The following JAKMIP1 variants were observed in gnomAD, a reference collection of about 807,000 sequenced individuals.
JAKMIP1 encodes the protein janus kinase and microtubule interacting protein 1.
A neutral mutation model predicts 113.0 loss-of-function variants in JAKMIP1; 33 were observed. The ratio of observed to expected loss-of-function variants is 0.29; its 90% CI spans 0.22 to 0.39. The LOEUF (loss-of-function observed/expected upper bound fraction) is 0.39. JAKMIP1 is among the 10% of genes least tolerant of loss of function. The pLI is 1.00. For missense variants in JAKMIP1, 813 were observed against 1,080.5 expected, an observed-to-expected ratio of 0.75 and a Z score of 3.47; for synonymous variants, 480 against 459.9, an observed-to-expected ratio of 1.04 and a Z score of -0.56.
intron 3 of JAKMIP1, among the ~76,000 whole-genome samples, chr4:6,100,792 G>T (rs1293630182): frequency 6.6e-6 from 1 of 151,938 alleles, no homozygotes; most frequent in Admixed American, 6.5e-5. Context: ...ATATCTAGTT[G>T]TAATTTTACT....
chr4:6,036,492 T>A (rs923097257), intron 18 of JAKMIP1, among the ~76,000 whole-genome samples: 2 of 152,236 alleles, frequency 1.3e-5, no homozygotes, highest in African/African-American at 4.8e-5. Context: ...TCCCCTTTTC[T>A]AATGGGTGCC....
At chr4:6,113,154 T>C (rs1411306109) in intron 1 of JAKMIP1, among the ~76,000 whole-genome samples, 157 bp from the exon 2 acceptor site, 1 of 152,186 alleles carries the variant, frequency 6.6e-6, no homozygotes, top group Non-Finnish European at 1.5e-5. Flanking sequence ...TGCAGCAGAA[T>C]CGCTTGGAGG....
chr4:6,198,055 C>T (rs4234722), intron 1 of JAKMIP1, among the ~76,000 whole-genome samples: 20,587 of 152,214 alleles, frequency 0.14, 1,424 homozygotes, highest in Non-Finnish European at 0.15. Flanking sequence ...GAAAACAGAG[C>T]CCCCACCAAA....
intron 9 of JAKMIP1, among the ~76,000 whole-genome samples, chr4:6,063,963 T>A (rs1215748167): frequency 6.6e-6 from 1 of 152,220 alleles, no homozygotes; most frequent in African/African-American, 2.4e-5. Context: ...GCGATCCACC[T>A]GCCCCTGCCG....
At position 6,085,591 on chromosome 4, in the gene JAKMIP1, G is replaced by T; in HGVS notation, c.663C>A (p.Ala221=). Residue 221 remains alanine (A), a synonymous_variant, in exon 4 of 21, where the codon GCC becomes GCA. Transcript: ENST00000409021. ...CCTGCACGCCAAGTTCCTTCTCCAAGGCCAGAATCACACGGTCTTTCCCTT... is the reference window on the plus strand; with the variant it reads ...CCTGCACGCCAAGTTCCTTCTCCAATGCCAGAATCACACGGTCTTTCCCTT... The part of the protein sequence containing the change: ...EIKGKDRVIL[A]LEKELGVQAG... The T allele has an allele frequency of 1.9e-6, 3 of 1,614,204 alleles. No individual in the cohort carries two copies. The highest frequency in any genetic ancestry group is 2.2e-5 in the East Asian group (1 of 44,882).
In JAKMIP1 at chr4:6,197,300, C is replaced by T. The variant is rs549336757; in HGVS notation, c.-148+2953G>A. ...GCCCACCACAATGGTGGCCACTGCT[C>T]TGATCATTAGTTTCATCGTTAGCTA... On this transcript the variant is annotated intron_variant, in intron 1 of 20. Coordinates refer to ENST00000409021, the MANE Select transcript of JAKMIP1 (RefSeq NM_001099433.2). This position sits in a 1 kb window ranked among gnomAD's most constrained non-coding sequence, Gnocchi z 6.5. Among the ~76,000 whole-genome samples the T allele has an allele frequency of 2.6e-5, 4 of 152,188 alleles. No homozygotes were observed.
chr4:6,056,604 A>G, intron 12 of JAKMIP1, 93 bp downstream of exon 12: 5 of 930,588 alleles, frequency 5.4e-6, no homozygotes, highest in African/African-American at 3.2e-5. Flanking sequence ...GGAGTGCCCA[A>G]ATGGCGCTGG....
rs1218691611 is a variant in JAKMIP1, at chr4:6,031,721, C to G, written c.2380-1940G>C. On this transcript the variant is annotated intron_variant, in intron 19 of 20. Coordinates refer to ENST00000409021, the MANE Select transcript of JAKMIP1 (RefSeq NM_001099433.2). This position sits in a 1 kb window ranked among gnomAD's most constrained non-coding sequence, Gnocchi z 4.4. ...GATTTCAGGATGATCACGGGGCAGC[C>G]AAACAGAATGGATTCCACGAAGGAG... Among the ~76,000 whole-genome samples the G allele has an allele frequency of 6.6e-6, 1 of 152,028 alleles. No homozygotes were observed. Among genetic ancestry groups the G allele is most frequent in the Non-Finnish European group, 1.5e-5 (1 of 68,010 alleles).
intron 1 of JAKMIP1, among the ~76,000 whole-genome samples, chr4:6,170,939 AC>A (rs1724551894): frequency 1.4e-5 from 2 of 146,352 alleles, no homozygotes; most frequent in African/African-American, 5.1e-5. Flanking sequence ...CATCACCACC[AC>A]CACCAGCATC....
intron 1 of JAKMIP1, among the ~76,000 whole-genome samples, chr4:6,149,651 G>A (rs184889135): frequency 1.5e-3 from 223 of 148,784 alleles, no homozygotes; most frequent in African/African-American, 5.6e-3. Flanking sequence ...TATTTATATT[G>A]GCTCATAAAG....
chr4:6,146,467 T>C (rs1048872406), intron 1 of JAKMIP1, among the ~76,000 whole-genome samples: 2 of 152,128 alleles, frequency 1.3e-5, no homozygotes, highest in African/African-American at 2.4e-5. Flanking sequence ...GCTAATTTTT[T>C]ATTTTTTGTA....
intron 16 of JAKMIP1, 134 bp downstream of exon 16, chr4:6,048,723 T>C: frequency 1.4e-6 from 1 of 691,164 alleles, no homozygotes; most frequent in Non-Finnish European, 2.5e-6. Flanking sequence ...CGGAAAGGCA[T>C]GCATGTGCAC....
rs1727976945 is a variant in JAKMIP1 at position 6,197,494 on chromosome 4, C to T, written c.-148+2759G>A. 6.6e-6 allele frequency among the ~76,000 whole-genome samples: 1 copy of T among 152,208 alleles called. No individual in the cohort carries two copies. Among genetic ancestry groups the T allele is most frequent in the African/African-American group, 2.4e-5 (1 of 41,440 alleles). ...CCTAGCCAAAGAGATGCCACTGCCC[C>T]CTTTTATACAGGAAATGGAGGCTCA... On this transcript the variant is annotated intron_variant, in intron 1 of 20. Coordinates refer to ENST00000409021, the MANE Select transcript of JAKMIP1 (RefSeq NM_001099433.2). The surrounding 1 kb of genome is among the most constrained non-coding windows in gnomAD (Gnocchi z 6.5).
rs1284487701 is a variant in JAKMIP1, at chr4:6,154,947, G to C, written c.-147-41950C>G. ...ACAGAGCACGCAGGGAAAGGTGCGG[G>C]GTAGGGTGGGGGGTCTTAGCTGGGG... On this transcript the variant is annotated intron_variant, in intron 1 of 20. Transcript: ENST00000409021. The surrounding 1 kb of genome is among the most constrained non-coding windows in gnomAD (Gnocchi z 4.2). 2.0e-5 allele frequency among the ~76,000 whole-genome samples: 3 copies of C among 152,166 alleles called. No individual in the cohort carries two copies. The highest frequency in any genetic ancestry group is 4.4e-5 in the Non-Finnish European group (3 of 68,030).
chr4:6,199,472 G>A lies in JAKMIP1; in HGVS notation c.-148+781C>T, dbSNP rs992350760. 6.6e-6 allele frequency among the ~76,000 whole-genome samples: 1 copy of A among 152,190 alleles called. No individual in the cohort carries two copies. The highest frequency in any genetic ancestry group is 1.5e-5 in the Non-Finnish European group (1 of 68,012). On this transcript the variant is annotated intron_variant, in intron 1 of 20. Transcript: ENST00000409021. The surrounding 1 kb of genome is among the most constrained non-coding windows in gnomAD (Gnocchi z 5.6). ...CGCACTGACGCAGGCCAGCGAGGCC[G>A]CTGGCCCCGACGCAGGGCGCCCGGC...
intron 9 of JAKMIP1, among the ~76,000 whole-genome samples, chr4:6,063,034 C>T (rs775836026): frequency 6.6e-6 from 1 of 151,952 alleles, no homozygotes. Context: ...TCCAGCTACT[C>T]GGGAGGCTGA....
chr4:6,169,462 C>T (rs1193480204), intron 1 of JAKMIP1, among the ~76,000 whole-genome samples: 1 of 152,132 alleles, frequency 6.6e-6, no homozygotes, highest in African/African-American at 2.4e-5. Context: ...AAGTGAAGAA[C>T]GATCCTCCAC....
chr4:6,183,752 C>T lies in JAKMIP1; in HGVS notation c.-148+16501G>A, dbSNP rs1726327823. ...ATATTAACCCTGGTAGACCCCACTG[C>T]AGGGACCTGGGCTGCCAGGTGAACA... On this transcript the variant is annotated intron_variant, in intron 1 of 20. Transcript: ENST00000409021. This position sits in a 1 kb window ranked among gnomAD's most constrained non-coding sequence, Gnocchi z 5.3. 6.6e-6 allele frequency among the ~76,000 whole-genome samples: 1 copy of T among 152,172 alleles called. No homozygotes were observed. The highest frequency in any genetic ancestry group is 1.5e-5 in the Non-Finnish European group (1 of 68,030).
chr4:6,181,548 C>G lies in JAKMIP1; in HGVS notation c.-148+18705G>C, dbSNP rs1302622809. 2.0e-5 allele frequency among the ~76,000 whole-genome samples: 3 copies of G among 152,150 alleles called. No individual in the cohort carries two copies. Among genetic ancestry groups the G allele is most frequent in the Non-Finnish European group, 4.4e-5 (3 of 68,036 alleles). On this transcript the variant is annotated intron_variant, in intron 1 of 20. Coordinates refer to ENST00000409021, the MANE Select transcript of JAKMIP1 (RefSeq NM_001099433.2). This position sits in a 1 kb window ranked among gnomAD's most constrained non-coding sequence, Gnocchi z 5.4. ...ACACTGTAACAAGCCCAGGTGATAACTGGGAGACCAGGGCCTATGGGTGCC... is the reference window on the plus strand; with the variant it reads ...ACACTGTAACAAGCCCAGGTGATAAGTGGGAGACCAGGGCCTATGGGTGCC...
Sources: gnomAD v4.1 joint callset for allele counts (sites outside exome capture counted in the v4.1 genomes callset) on GRCh38, gnomAD v4.1.1 for gene constraint, Gnocchi (gnomAD v3.1) non-coding constraint, MANE v1.5 for transcripts, NCBI Gene and HGNC (gene_info 2026-07-23, HGNC 2026-07-21) for gene names.